Variants in TRIM24 observed in about 807,000 individuals in gnomAD.
TRIM24 encodes the protein tripartite motif containing 24.
TRIM24 carries 29 observed loss-of-function variants against 123.9 expected under a neutral mutation model. That is an observed-to-expected ratio of 0.23 (90% confidence interval 0.17 to 0.32). TRIM24 has a LOEUF of 0.32. Among genes scored for constraint, TRIM24 ranks in the 10% least tolerant of loss-of-function variants. The pLI, the probability that TRIM24 is intolerant of heterozygous loss-of-function variation, is 1.00. For synonymous variants in TRIM24, 456 were observed against 461.1 expected, an observed-to-expected ratio of 0.99 and a Z score of 0.14; for missense variants, 932 against 1,295.3, an observed-to-expected ratio of 0.72 and a Z score of 4.31.
At chr7:138,508,150 A>T (rs111904800) in intron 2 of TRIM24, among the ~76,000 whole-genome samples, 28 of 152,172 alleles carry the variant, frequency 1.8e-4, no homozygotes, top group African/African-American at 6.5e-4. Flanking sequence ...TTTTCTTCCT[A>T]TTTAATGTTT....
chr7:138,579,944 A>T (rs1281438777), intron 15 of TRIM24, among the ~76,000 whole-genome samples: 1 of 152,208 alleles, frequency 6.6e-6, no homozygotes, highest in African/African-American at 2.4e-5. Context: ...AAAAGAAAAA[A>T]AAATAACAGG....
At chr7:138,481,942 C>G (rs1052828912) in intron 1 of TRIM24, among the ~76,000 whole-genome samples, 1 of 152,078 alleles carries the variant, frequency 6.6e-6, no homozygotes, top group African/African-American at 2.4e-5. Context: ...CACTTTCTAC[C>G]TGCTATCCAA....
At chr7:138,576,639 TAGA>T (rs1344741429) in intron 13 of TRIM24, among the ~76,000 whole-genome samples, 194 bp downstream of exon 13, 8 of 152,136 alleles carry the variant, frequency 5.3e-5, no homozygotes, top group South Asian at 2.1e-4. Context: ...CCTTTGAAGA[TAGA>T]AGAATATTTG....
chr7:138,525,825 G>T (rs1403695511), intron 5 of TRIM24, among the ~76,000 whole-genome samples: 1 of 152,012 alleles, frequency 6.6e-6, no homozygotes, highest in African/African-American at 2.4e-5. Context: ...AAACTGTTCC[G>T]CACACTTTTT....
intron 17 of TRIM24, among the ~76,000 whole-genome samples, chr7:138,582,522 A>AAAGAGCAAGACTC (rs1797922077): frequency 6.7e-6 from 1 of 150,236 alleles, no homozygotes; most frequent in Non-Finnish European, 1.5e-5. Context: ...AGCCTGGGCA[A>AAAGAGCAAGACTC]AAGAGCAAGA....
At chr7:138,527,885 A>C (rs889970111) in intron 5 of TRIM24, among the ~76,000 whole-genome samples, 2 of 152,072 alleles carry the variant, frequency 1.3e-5, no homozygotes, top group Non-Finnish European at 1.5e-5. Flanking sequence ...TAGAACAAAG[A>C]CTGGGCCTAG....
chr7:138,546,137 T>C (rs892249320), intron 7 of TRIM24, among the ~76,000 whole-genome samples: 3 of 152,076 alleles, frequency 2.0e-5, no homozygotes, highest in Non-Finnish European at 4.4e-5. Flanking sequence ...GGTTAAGAAA[T>C]TGAGTAGCAG....
At chr7:138,522,452 CAT>C (rs1210619717) in intron 4 of TRIM24, among the ~76,000 whole-genome samples, 1 of 152,028 alleles carries the variant, frequency 6.6e-6, no homozygotes, top group Non-Finnish European at 1.5e-5. Context: ...TTTAACTGAC[CAT>C]ATGCTAAAGT....
Position 138,579,334 on chromosome 7 carries a change from A to G in TRIM24, c.2387A>G (p.Asn796Ser), listed in dbSNP as rs35356723. The change falls in exon 15 of 19, where the codon AAT (asparagine) becomes AGT (serine). Residue 796 changes from asparagine (N) to serine (S), a missense_variant. Asn to Ser is a conservative substitution (Grantham distance 46). Transcript: ENST00000343526. ...GATCAACCTGGACTTCACCAGGACAATTCCTCAAATGGAAAGTCTGAATGG... is the reference window on the plus strand; with the variant it reads ...GATCAACCTGGACTTCACCAGGACAGTTCCTCAAATGGAAAGTCTGAATGG... ...TGDQPGLHQD[N>S]SSNGKSEWLD... is the part of the protein sequence containing the mutation. The G allele has an allele frequency of 5.6e-3, 9,026 of 1,614,174 alleles. 29 individuals are homozygous for G. The highest frequency in any genetic ancestry group is 7.8e-3 in the African/African-American group (585 of 75,042).
At chr7:138,537,056 C>T (rs971731525) in intron 6 of TRIM24, among the ~76,000 whole-genome samples, 1 of 152,090 alleles carries the variant, frequency 6.6e-6, no homozygotes, top group Non-Finnish European at 1.5e-5. Flanking sequence ...TTGCTAAGTC[C>T]GTTGGAAAAG....
chr7:138,559,672 T>C lies in TRIM24; in HGVS notation c.1530+4706T>C, dbSNP rs185016841. The stretch of plus-strand genomic sequence containing the variant: ...CTTCACTGGCAACCTGGTCCCACCG[T>C]AGGATCAGCTGGGTCAGATGGTCTG... On this transcript the variant is annotated intron_variant, in intron 9 of 18. Coordinates refer to ENST00000343526, the MANE Select transcript of TRIM24 (RefSeq NM_015905.3). Among the ~76,000 whole-genome samples the C allele has an allele frequency of 6.6e-5, 10 of 152,262 alleles. No homozygotes were observed. In the East Asian group the frequency reaches 1.4e-3, roughly 21 times the overall value.
chr7:138,486,920 AC>A (rs1379219539), intron 1 of TRIM24, among the ~76,000 whole-genome samples: 2 of 152,122 alleles, frequency 1.3e-5, no homozygotes, highest in Non-Finnish European at 2.9e-5. Flanking sequence ...TCTATAAACT[AC>A]CTTGGGCAGT....
intron 4 of TRIM24, among the ~76,000 whole-genome samples, chr7:138,520,506 A>G (rs1248269769): frequency 1.3e-5 from 2 of 152,188 alleles, no homozygotes; most frequent in African/African-American, 4.8e-5. Context: ...AGATTAGACA[A>G]TGCGAACATA....
chr7:138,461,047 T>C (rs1794954551), intron 1 of TRIM24, 135 bp downstream of exon 1: 2 of 942,402 alleles, frequency 2.1e-6, no homozygotes, highest in African/African-American at 1.7e-5. Flanking sequence ...CAGGAGGGTC[T>C]GTGCTGGCGA....
rs1248869313 is a variant in TRIM24, at chr7:138,464,018, G to A, written c.364+3106G>A. Among the ~76,000 whole-genome samples the A allele has an allele frequency of 6.6e-4, 7 of 10,566 alleles. No individual in the cohort carries two copies. In the Admixed American group the frequency reaches 6.8e-3, roughly 10 times the overall value. The allele number at this position is 10,566 out of a possible 152,430, so 6.9% of individuals were successfully genotyped here. Reference sequence around the variant, plus strand: ...TTTTTTTTTTTTTTTTTTTTGAGACGGAGTCTCGCTCTGTCGCCCGGGCTG... The same window carrying A: ...TTTTTTTTTTTTTTTTTTTTGAGACAGAGTCTCGCTCTGTCGCCCGGGCTG... On this transcript the variant is annotated intron_variant, in intron 1 of 18. Transcript: ENST00000343526.
chr7:138,484,807 G>T (rs1429178995), intron 1 of TRIM24, among the ~76,000 whole-genome samples: 1 of 152,168 alleles, frequency 6.6e-6, no homozygotes, highest in African/African-American at 2.4e-5. Flanking sequence ...TATGGTAGCA[G>T]TCAGGGACTG....
intron 1 of TRIM24, among the ~76,000 whole-genome samples, chr7:138,475,900 TA>T (rs2085681879): frequency 6.6e-6 from 1 of 152,024 alleles, no homozygotes; most frequent in Admixed American, 6.6e-5. Flanking sequence ...ACAAATATAA[TA>T]AAAAGGGGTT....
rs1797698676 is a variant in TRIM24, at chr7:138,573,562, T to C, written c.1934T>C (p.Ile645Thr). 6.2e-7 allele frequency: 1 copy of C among 1,613,994 alleles called. No individual in the cohort carries two copies. Reference sequence around the variant, plus strand: ...AATATTGTGAGGAAAGATACTAATATAGATCATGGCCAGCCAAGACCACCC... The same window carrying C: ...AATATTGTGAGGAAAGATACTAATACAGATCATGGCCAGCCAAGACCACCC... ...LDNIVRKDTN[I>T]DHGQPRPPSN... is the part of the protein sequence containing the mutation. Residue 645 changes from isoleucine (I) to threonine (T), a missense_variant, in exon 12 of 19, where the codon ATA becomes ACA. Ile to Thr is a moderately conservative substitution (Grantham distance 89). This residue lies in a region of TRIM24 where 527 missense variants were observed against 691.3 expected (regional missense o/e 0.76). Transcript: ENST00000343526.
At position 138,579,235 on chromosome 7, in the gene TRIM24, T is replaced by C. The variant is rs1416765580; in HGVS notation, c.2288T>C (p.Leu763Pro). 1 of 1,604,210 alleles carries C rather than the reference T, an allele frequency of 6.2e-7. No individual in the cohort carries two copies. The highest frequency in any genetic ancestry group is 8.5e-7 in the Non-Finnish European group (1 of 1,174,434). Residue 763 changes from leucine to proline, a missense_variant, in exon 15 of 19, where the codon CTG becomes CCG. Leu to Pro is a moderately conservative substitution (Grantham distance 98, BLOSUM62 -3). This residue lies in a region of TRIM24 where 527 missense variants were observed against 691.3 expected (regional missense o/e 0.76). Transcript: ENST00000343526. ...ANYPRSILTS[L>P]LLNSSQSSTS... Reference sequence around the variant, plus strand: ...TATCCAAGAAGCATACTCACCTCCCTGCTCTTAAATAGCAGTCAGAGCTCT... The same window carrying C: ...TATCCAAGAAGCATACTCACCTCCCCGCTCTTAAATAGCAGTCAGAGCTCT...
Sources: gnomAD v4.1 joint callset for allele counts (sites outside exome capture counted in the v4.1 genomes callset) on GRCh38, gnomAD v4.1.1 for gene constraint, gnomAD v4.1.1 regional missense constraint, MANE v1.5 for transcripts, NCBI Gene and HGNC (gene_info 2026-07-23, HGNC 2026-07-21) for gene names.